The following TTBK2 variants were observed in gnomAD, a reference collection of about 807,000 sequenced individuals.
TTBK2 encodes tau tubulin kinase 2.
Under a neutral mutation model 110.8 loss-of-function variants are expected in TTBK2, and 28 were observed. That is an observed-to-expected ratio of 0.25 (90% CI 0.19 to 0.35). The LOEUF (loss-of-function observed/expected upper bound fraction) is 0.35, where lower values mean the gene tolerates loss of function less well. Ranked by LOEUF, TTBK2 falls within the 10% of genes least tolerant of loss-of-function variation. TTBK2 has a pLI of 1.00. For missense variants in TTBK2, 1,369 were observed against 1,500.3 expected (o/e 0.91, Z 1.45); for synonymous variants, 532 against 527.3 (o/e 1.01, Z -0.12).
At chr15:42,793,848 A>T (rs928188698) in intron 10 of TTBK2, among the ~76,000 whole-genome samples, 24 of 152,194 alleles carry the variant, frequency 1.6e-4, no homozygotes, top group East Asian at 1.4e-3. Flanking sequence ...TAAAAAAAAA[A>T]AAAATAAAAG....
intron 9 of TTBK2, chr15:42,798,225 C>T: frequency 2.2e-6 from 1 of 456,146 alleles, no homozygotes; most frequent in Non-Finnish European, 4.4e-6. Context: ...GGGAACAAAG[C>T]ACTTTCCCAT....
intron 1 of TTBK2, among the ~76,000 whole-genome samples, chr15:42,881,346 CAA>C (rs199903053): frequency 2.5e-4 from 20 of 80,286 alleles, no homozygotes; most frequent in African/African-American, 8.1e-4. Context: ...ACTCAAATTT[CAA>C]AAAAAAAAAA....
chr15:42,887,456 C>T (rs529538423), intron 1 of TTBK2, among the ~76,000 whole-genome samples: 17 of 152,306 alleles, frequency 1.1e-4, no homozygotes, highest in African/African-American at 2.6e-4. Context: ...CCCCGCTCAA[C>T]GCCAATATCC....
At chr15:42,870,628 C>T (rs376257472) in intron 3 of TTBK2, among the ~76,000 whole-genome samples, 101 of 151,722 alleles carry the variant, frequency 6.7e-4, no homozygotes, top group African/African-American at 2.3e-3. Context: ...TTTGGGAGAC[C>T]GAGGTGGGAA....
chr15:42,800,179 T>C, intron 9 of TTBK2: 1 of 396,390 alleles, frequency 2.5e-6, no homozygotes, highest in African/African-American at 2.1e-5. Context: ...TCTATTTTTC[T>C]GTTAATTCTA....
intron 1 of TTBK2, among the ~76,000 whole-genome samples, chr15:42,911,603 C>T (rs995905123): frequency 2.0e-5 from 3 of 152,164 alleles, no homozygotes; most frequent in African/African-American, 4.8e-5. Flanking sequence ...AGCCCAGACT[C>T]ATGAGAAGAA....
At chr15:42,883,318 G>A (rs976363135) in intron 1 of TTBK2, among the ~76,000 whole-genome samples, 13 of 151,044 alleles carry the variant, frequency 8.6e-5, no homozygotes, top group Middle Eastern at 3.2e-3. Flanking sequence ...TGGAGGTTGC[G>A]GTGAGCCGAA....
intron 10 of TTBK2, among the ~76,000 whole-genome samples, chr15:42,793,940 G>A (rs1008452027): frequency 6.6e-6 from 1 of 151,780 alleles, no homozygotes; most frequent in African/African-American, 2.4e-5. Flanking sequence ...CCCCAGAGAC[G>A]GGTCCCACTC....
At chr15:42,874,318 T>C (rs995117028) in intron 2 of TTBK2, among the ~76,000 whole-genome samples, 1 of 151,974 alleles carries the variant, frequency 6.6e-6, no homozygotes, top group Non-Finnish European at 1.5e-5. Context: ...TTATTTTTTT[T>C]ATTTTTTTAT....
At chr15:42,754,209 G>A (rs533839554) in intron 13 of TTBK2, among the ~76,000 whole-genome samples, 192 of 148,764 alleles carry the variant, frequency 1.3e-3, no homozygotes, top group African/African-American at 4.7e-3. Flanking sequence ...TCAGCCTCCC[G>A]AGTAGCTGGG....
At chr15:42,751,156 A>G (rs1381075604) in intron 14 of TTBK2, among the ~76,000 whole-genome samples, 2 of 152,258 alleles carry the variant, frequency 1.3e-5, no homozygotes, top group African/African-American at 4.8e-5. Flanking sequence ...TAATAAAGGC[A>G]AACACATGGA....
At chr15:42,813,811 A>G (rs1363931622) in intron 7 of TTBK2, among the ~76,000 whole-genome samples, 1 of 151,868 alleles carries the variant, frequency 6.6e-6, no homozygotes, top group Non-Finnish European at 1.5e-5. Flanking sequence ...ACACCATTGC[A>G]GTCCAGCCTG....
At chr15:42,898,918 C>T (rs955266942) in intron 1 of TTBK2, among the ~76,000 whole-genome samples, 98 of 152,292 alleles carry the variant, frequency 6.4e-4, no homozygotes, top group African/African-American at 2.3e-3. Flanking sequence ...TTGTATATAA[C>T]CATTAAACTT....
intron 4 of TTBK2, among the ~76,000 whole-genome samples, chr15:42,832,364 A>G (rs1249867002): frequency 1.3e-5 from 2 of 152,226 alleles, no homozygotes; most frequent in Non-Finnish European, 2.9e-5. Flanking sequence ...AAAAGATTTA[A>G]ATATTTTAAA....
At chr15:42,866,515 G>A (rs544387713) in intron 3 of TTBK2, among the ~76,000 whole-genome samples, 7 of 152,068 alleles carry the variant, frequency 4.6e-5, no homozygotes, top group Admixed American at 1.3e-4. Flanking sequence ...CCCAGCAGCC[G>A]GAAAATCAGT....
At chr15:42,766,446 C>CAAAACAAAAAAA (rs1889377923) in intron 13 of TTBK2, among the ~76,000 whole-genome samples, 1 of 30,860 alleles carries the variant, frequency 3.2e-5, no homozygotes, top group African/African-American at 3.2e-4. Context: ...GAATGGAAAG[C>CAAAACAAAAAAA]AAAAAAAAAA....
rs574769468 is a variant in TTBK2, at chr15:42,852,465, C to T, written c.218-12032G>A. On this transcript the variant is annotated intron_variant, in intron 3 of 14. Transcript: ENST00000267890. ...AAAGGGAAAAAGTAAAATATCTTCT[C>T]CTTTTCTGACTCCTCTGATTCTAAT... Among the ~76,000 whole-genome samples the T allele has an allele frequency of 3.4e-4, 52 of 152,282 alleles. No individual in the cohort carries two copies. The South Asian group carries it at 4.1e-3, about 12-fold the overall frequency.
chr15:42,806,815 T>C lies in TTBK2; in HGVS notation c.822+3799A>G, dbSNP rs562187716. ...CTTAAAACATTATGAGATTTTTTTG[T>C]GATTTTTTTTTTTTTTGGCTCATCA... is the stretch of plus-strand genomic sequence containing the variant. On this transcript the variant is annotated intron_variant, in intron 9 of 14. Transcript: ENST00000267890. Among the ~76,000 whole-genome samples, 554 of 141,656 alleles carry C rather than the reference T, an allele frequency of 3.9e-3. 2 individuals carry two copies. The highest frequency in any genetic ancestry group is 0.015 in the African/African-American group (529 of 36,370). The allele number at this position is 141,656 out of a possible 152,430, so 92.9% of individuals were successfully genotyped here.
chr15:42,887,086 G>A (rs892279387), intron 1 of TTBK2, among the ~76,000 whole-genome samples: 2 of 152,128 alleles, frequency 1.3e-5, no homozygotes, highest in African/African-American at 4.8e-5. Flanking sequence ...CTTTTCAAGG[G>A]CCTGTTTCCC....
Sources: gnomAD v4.1 joint callset for allele counts (sites outside exome capture counted in the v4.1 genomes callset) on GRCh38, gnomAD v4.1.1 for gene constraint, MANE v1.5 for transcripts, NCBI Gene and HGNC (gene_info 2026-07-23, HGNC 2026-07-21) for gene names.